ACTR3: variants seen among roughly 807,000 people sequenced by gnomAD.
ACTR3 encodes the protein actin related protein 3.
A neutral mutation model predicts 56.8 loss-of-function variants in ACTR3; 12 were observed. The ratio of observed to expected loss-of-function variants is 0.21; its 90% CI spans 0.14 to 0.34. The LOEUF (loss-of-function observed/expected upper bound fraction) is 0.34, where lower values mean the gene tolerates loss of function less well. ACTR3 is among the 10% of genes least tolerant of loss of function. The pLI, the probability that ACTR3 is intolerant of heterozygous loss-of-function variation, is 1.00. For synonymous variants in ACTR3, 162 were observed against 167.4 expected, an observed-to-expected ratio of 0.97 and a Z score of 0.25; for missense variants, 282 against 512.5, an observed-to-expected ratio of 0.55 and a Z score of 4.34.
At chr2:113,893,997 A>G (rs1372815346) in intron 1 of ACTR3, among the ~76,000 whole-genome samples, 1 of 152,184 alleles carries the variant, frequency 6.6e-6, no homozygotes. Context: ...TTTGAAGAGC[A>G]GTGGGGAAAA....
chr2:113,960,895 A>G lies in ACTR3; in HGVS notation c.*3440A>G, dbSNP rs190119160. On this transcript the variant is annotated 3_prime_UTR_variant, in exon 12 of 12. Transcript: ENST00000263238. Reference sequence around the variant, plus strand: ...TACTCAGTTTGGAATACTGTGCCTTAAAATATATTTCATTGTAACAGCACC... The same window carrying G: ...TACTCAGTTTGGAATACTGTGCCTTGAAATATATTTCATTGTAACAGCACC... 2.0e-4 allele frequency: 30 copies of G among 152,152 alleles called. No individual in the cohort carries two copies. The East Asian group carries it at 5.6e-3, about 28-fold the overall frequency. 9.4% of individuals were successfully genotyped at this position (152,152 alleles called of 1,614,324 possible).
intron 2 of ACTR3, among the ~76,000 whole-genome samples, chr2:113,916,579 C>A (rs1412641403): frequency 6.6e-6 from 1 of 151,994 alleles, no homozygotes; most frequent in East Asian, 1.9e-4. Context: ...GGTGGGATTA[C>A]AGTTTTACTG....
intron 2 of ACTR3, 45 bp from the exon 3 acceptor site, chr2:113,916,839 A>T: frequency 6.5e-7 from 1 of 1,545,850 alleles, no homozygotes; most frequent in Non-Finnish European, 8.8e-7. Flanking sequence ...AGTTTTTCTC[A>T]TTTGAGGAAA....
chr2:113,929,931 G>A (rs1417262731), intron 4 of ACTR3, among the ~76,000 whole-genome samples: 4 of 151,972 alleles, frequency 2.6e-5, no homozygotes, highest in Non-Finnish European at 5.9e-5. Flanking sequence ...TGCCCACCTC[G>A]GCCTCCCAAA....
intron 8 of ACTR3, among the ~76,000 whole-genome samples, chr2:113,946,817 A>G (rs760995281): frequency 1.3e-5 from 2 of 152,188 alleles, no homozygotes; most frequent in African/African-American, 4.8e-5. Context: ...TCATTTATTC[A>G]TTCATTTATT....
chr2:113,930,742 T>A (rs1448991335), intron 4 of ACTR3, among the ~76,000 whole-genome samples: 1 of 152,248 alleles, frequency 6.6e-6, no homozygotes, highest in Admixed American at 6.5e-5. Context: ...TACAGTCACA[T>A]AAACAGAAGA....
intron 11 of ACTR3, among the ~76,000 whole-genome samples, chr2:113,956,215 A>G (rs763411502): frequency 1.6e-4 from 24 of 151,860 alleles, no homozygotes; most frequent in Non-Finnish European, 3.2e-4. Flanking sequence ...TTAAATTTAT[A>G]TATATATATT....
chr2:113,899,583 A>C (rs958533858), intron 1 of ACTR3, among the ~76,000 whole-genome samples: 2 of 152,218 alleles, frequency 1.3e-5, no homozygotes, highest in African/African-American at 4.8e-5. Context: ...TAAGGGCTGT[A>C]GTATTTGGAG....
chr2:113,935,573 G>A (rs1411671110), intron 6 of ACTR3, among the ~76,000 whole-genome samples: 1 of 152,184 alleles, frequency 6.6e-6, no homozygotes, highest in Admixed American at 6.5e-5. Flanking sequence ...ATTTCATTAT[G>A]TGGATATATG....
chr2:113,940,419 CA>C (rs747516461), intron 7 of ACTR3, among the ~76,000 whole-genome samples: 17 of 152,134 alleles, frequency 1.1e-4, no homozygotes, highest in South Asian at 8.3e-4. Context: ...AAAGTCCTTG[CA>C]TCTCAGTTTC....
At chr2:113,904,531 CT>C (rs1289368649) in intron 1 of ACTR3, 1 of 152,114 alleles carries the variant, frequency 6.6e-6, no homozygotes, top group Non-Finnish European at 1.5e-5. Flanking sequence ...AGTTTTGGGT[CT>C]TTATGAACTA....
rs772602736 is a variant in ACTR3 at position 113,957,461 on chromosome 2, G to T, written c.*6G>T. The T allele has an allele frequency of 6.2e-7, 1 of 1,610,350 alleles. No individual in the cohort carries two copies. The highest frequency in any genetic ancestry group is 1.1e-5 in the South Asian group (1 of 90,946). On this transcript the variant is annotated 3_prime_UTR_variant, in exon 12 of 12. Coordinates refer to ENST00000263238, the MANE Select transcript of ACTR3 (RefSeq NM_005721.5). ...TGTTTGGAGTCATGTCGTAAAATTG[G>T]CTTCATAGTTATTGGGGTTAGGGAG...
At chr2:113,890,509 C>T (rs1678866641) in intron 1 of ACTR3, 186 bp downstream of exon 1, 2 of 1,345,450 alleles carry the variant, frequency 1.5e-6, no homozygotes, top group Non-Finnish European at 1.9e-6. Context: ...TTTCTCCCTC[C>T]TGGGACTGGG....
intron 1 of ACTR3, among the ~76,000 whole-genome samples, chr2:113,891,807 T>G (rs1678907131): frequency 6.6e-6 from 1 of 152,248 alleles, no homozygotes; most frequent in South Asian, 2.1e-4. Context: ...AACACTAGCC[T>G]TGGAACTTCT....
chr2:113,890,287 G>C lies in ACTR3; in HGVS notation c.8G>C (p.Gly3Ala). The C allele has an allele frequency of 6.4e-7, 1 of 1,550,658 alleles. No homozygotes were observed. Residue 3 changes from glycine to alanine, a missense_variant, in exon 1 of 12, where the codon GGA becomes GCA. Gly to Ala is a moderately conservative substitution (Grantham distance 60). Transcript: ENST00000263238. ...CAGCAGGCGAGGAGGAAGATGGCGG[G>C]ACGGCTGCCGGCCTGTGTGGTGGAC... MA[G>A]RLPACVVDCG...
Position 113,942,193 on chromosome 2 carries a change from A to T in ACTR3, c.692A>T (p.Tyr231Phe). 6.4e-7 allele frequency: 1 copy of T among 1,569,894 alleles called. No individual in the cohort carries two copies. Among genetic ancestry groups the T allele is most frequent in the Non-Finnish European group, 8.6e-7 (1 of 1,166,096 alleles). ...LETAKAVKER[Y>F]SYVCPDLVKE... ...TGTTTCTTTGTTTTTCAGGAGCGCT[A>T]TAGTTATGTCTGCCCAGATTTAGTA... Residue 231 changes from tyrosine (Y) to phenylalanine (F), a missense_variant, in exon 8 of 12, where the codon TAT (tyrosine) becomes TTT (phenylalanine). By Grantham distance (22) the Tyr-to-Phe change is conservative (BLOSUM62 3). Coordinates refer to ENST00000263238, the MANE Select transcript of ACTR3 (RefSeq NM_005721.5).
chr2:113,929,823 C>T (rs1679686012), intron 4 of ACTR3, among the ~76,000 whole-genome samples: 1 of 152,028 alleles, frequency 6.6e-6, no homozygotes, highest in South Asian at 2.1e-4. Flanking sequence ...GGATTACAGG[C>T]ATGCACCACC....
In ACTR3 at chr2:113,920,364, A is replaced by G. The variant is rs556023622; in HGVS notation, c.225+3356A>G. ...ATGAGCCACTGTGCCAGGCTTTTAA[A>G]AAAATTTTACTTGACATATAATAAT... On this transcript the variant is annotated intron_variant, in intron 3 of 11. Transcript: ENST00000263238. 9.1e-4 allele frequency among the ~76,000 whole-genome samples: 138 copies of G among 152,316 alleles called. 1 individual carries two copies. Among genetic ancestry groups the G allele is most frequent in the Middle Eastern group, 3.4e-3 (1 of 294 alleles).
intron 3 of ACTR3, among the ~76,000 whole-genome samples, chr2:113,922,773 G>A (rs757732737): frequency 1.3e-5 from 2 of 152,186 alleles, no homozygotes; most frequent in Non-Finnish European, 2.9e-5. Flanking sequence ...TAAAGGTGAT[G>A]GGTCAAAATC....
Sources: gnomAD v4.1 joint callset for allele counts (sites outside exome capture counted in the v4.1 genomes callset) on GRCh38, gnomAD v4.1.1 for gene constraint, MANE v1.5 for transcripts, NCBI Gene and HGNC (gene_info 2026-07-23, HGNC 2026-07-21) for gene names.